Variants in ROBO2 observed in about 807,000 individuals in gnomAD.
ROBO2 encodes roundabout homolog 2.
In ROBO2, 53 loss-of-function variants were observed where a neutral mutation model predicts 160.8. That is an observed-to-expected ratio of 0.33 (90% CI 0.26 to 0.41). The LOEUF (loss-of-function observed/expected upper bound fraction) is 0.41. Among genes scored for constraint, ROBO2 ranks in the 10% least tolerant of loss-of-function variants. The pLI is 1.00. For missense variants in ROBO2, 1,577 were observed against 1,722.4 expected (o/e 0.92, Z 1.49); for synonymous variants, 664 against 611.7 (o/e 1.09, Z -1.26).
chr3:76,701,433 T>TTA (rs2093042463), intron 2 of ROBO2, among the ~76,000 whole-genome samples: 1 of 152,096 alleles, frequency 6.6e-6, no homozygotes, highest in Non-Finnish European at 1.5e-5. Context: ...TTTAATTTGA[T>TTA]TATTAGCATT....
At chr3:76,378,651 T>A (rs924823448) in intron 2 of ROBO2, among the ~76,000 whole-genome samples, 1 of 152,122 alleles carries the variant, frequency 6.6e-6, no homozygotes, top group Non-Finnish European at 1.5e-5. Context: ...TACAGAATAT[T>A]TTAGAATCAC....
chr3:77,185,711 A>C (rs1234075156), intron 2 of ROBO2, among the ~76,000 whole-genome samples: 3 of 152,026 alleles, frequency 2.0e-5, no homozygotes, highest in Admixed American at 2.0e-4. Context: ...AACTGCATGC[A>C]CATGTGTATA....
At chr3:76,761,967 C>G (rs1389628984) in intron 2 of ROBO2, among the ~76,000 whole-genome samples, 4 of 151,198 alleles carry the variant, frequency 2.6e-5, no homozygotes, top group Non-Finnish European at 5.9e-5. Flanking sequence ...TTTTTTTTAT[C>G]TAATAAGATC....
chr3:76,023,599 G>GC (rs2066641254), intron 2 of ROBO2, among the ~76,000 whole-genome samples: 1 of 151,444 alleles, frequency 6.6e-6, no homozygotes, highest in African/African-American at 2.4e-5. Context: ...AGTGTATGGT[G>GC]CCCCACAAAC....
chr3:75,926,675 C>T (rs1196140999), intron 1 of ROBO2, among the ~76,000 whole-genome samples: 1 of 152,138 alleles, frequency 6.6e-6, no homozygotes, highest in Non-Finnish European at 1.5e-5. Flanking sequence ...GAGTTTATGG[C>T]ATTTGATTAA....
chr3:76,304,742 CTTTCCTTCT>C (rs1373326196), intron 2 of ROBO2, among the ~76,000 whole-genome samples: 1 of 103,692 alleles, frequency 9.6e-6, no homozygotes, highest in African/African-American at 3.3e-5. Context: ...CTTTTCTTTT[CTTTCCTTCT>C]TTCTTTCTTT....
intron 2 of ROBO2, among the ~76,000 whole-genome samples, chr3:76,154,440 G>A (rs183028263): frequency 6.6e-6 from 1 of 152,216 alleles, no homozygotes; most frequent in East Asian, 1.9e-4. Context: ...AGCACAACAA[G>A]TACAGACTAA....
intron 2 of ROBO2, among the ~76,000 whole-genome samples, chr3:77,171,751 A>C (rs1655163754): frequency 2.0e-5 from 3 of 152,210 alleles, no homozygotes; most frequent in African/African-American, 7.2e-5. Context: ...AGACATATCC[A>C]CCAGATTTTC....
chr3:76,768,471 T>G (rs2061692514), intron 2 of ROBO2, among the ~76,000 whole-genome samples: 1 of 151,446 alleles, frequency 6.6e-6, no homozygotes, highest in South Asian at 2.1e-4. Context: ...AATCACTTCT[T>G]TGTTCTAGAA....
intron 2 of ROBO2, among the ~76,000 whole-genome samples, chr3:77,211,773 A>G (rs1324600900): frequency 6.6e-6 from 1 of 152,244 alleles, no homozygotes; most frequent in Admixed American, 6.5e-5. Context: ...GAAGGGATCC[A>G]GTTTCAGCTT....
chr3:77,233,688 T>C (rs1468775527), intron 2 of ROBO2, among the ~76,000 whole-genome samples: 1 of 152,120 alleles, frequency 6.6e-6, no homozygotes. Context: ...AATCAAGTCT[T>C]ATGTATTTAT....
intron 2 of ROBO2, among the ~76,000 whole-genome samples, chr3:77,340,731 C>A (rs901853721): frequency 6.6e-6 from 1 of 151,900 alleles, no homozygotes; most frequent in Non-Finnish European, 1.5e-5. Flanking sequence ...CATATTTTGC[C>A]CATGAAGTTC....
At chr3:76,766,062 C>T (rs1415934129) in intron 2 of ROBO2, among the ~76,000 whole-genome samples, 1 of 151,570 alleles carries the variant, frequency 6.6e-6, no homozygotes, top group Non-Finnish European at 1.5e-5. Flanking sequence ...TTTTATCTAC[C>T]TAGTCACATT....
chr3:76,901,649 G>T (rs944251660), intron 2 of ROBO2, among the ~76,000 whole-genome samples: 1 of 147,576 alleles, frequency 6.8e-6, no homozygotes, highest in African/African-American at 2.5e-5. Flanking sequence ...TCTAGTTATT[G>T]AAAGACACTT....
chr3:76,251,964 A>G (rs1706032511), intron 2 of ROBO2, among the ~76,000 whole-genome samples: 1 of 152,034 alleles, frequency 6.6e-6, no homozygotes, highest in African/African-American at 2.4e-5. Flanking sequence ...ATCAAATAAA[A>G]CAATGATATG....
At chr3:76,834,112 T>TTCTTTCTTTC (rs1267085073) in intron 2 of ROBO2, among the ~76,000 whole-genome samples, 2 of 145,402 alleles carry the variant, frequency 1.4e-5, no homozygotes, top group African/African-American at 5.2e-5. Context: ...CTTTCTTTCT[T>TTCTTTCTTTC]TCTCTCTGTC....
chr3:76,277,734 TAATG>T (rs1708009700), intron 2 of ROBO2, among the ~76,000 whole-genome samples: 1 of 151,894 alleles, frequency 6.6e-6, no homozygotes, highest in African/African-American at 2.4e-5. Flanking sequence ...AATAATCAAA[TAATG>T]AATGCCTGAG....
intron 2 of ROBO2, among the ~76,000 whole-genome samples, chr3:76,138,780 T>G (rs1316318254): frequency 6.6e-6 from 1 of 152,182 alleles, no homozygotes; most frequent in East Asian, 1.9e-4. Context: ...AATAGTTTAC[T>G]GTGTTCACAA....
chr3:76,599,419 G>A (rs762871591), intron 2 of ROBO2, among the ~76,000 whole-genome samples: 13 of 152,022 alleles, frequency 8.6e-5, no homozygotes, highest in Non-Finnish European at 1.6e-4. Flanking sequence ...CTTTTTTATG[G>A]CTGCATAGTA....
Sources: allele counts gnomAD v4.1 joint callset (sites outside exome capture counted in the v4.1 genomes callset), GRCh38; gene constraint gnomAD v4.1.1; transcripts MANE v1.5; gene names NCBI Gene and HGNC (gene_info 2026-07-23, HGNC 2026-07-21).